The following CACNA1B variants were observed in gnomAD, a reference collection of about 807,000 sequenced individuals.
The protein encoded by CACNA1B is calcium voltage-gated channel subunit alpha1 B.
In CACNA1B, 70 loss-of-function variants were observed where a neutral mutation model predicts 247.2. The observed-to-expected ratio is 0.28, with a 90% CI of 0.23 to 0.35. CACNA1B has a LOEUF of 0.35. Ranked by LOEUF, CACNA1B falls within the 10% of genes least tolerant of loss-of-function variation. The pLI, the probability that CACNA1B is intolerant of heterozygous loss-of-function variation, is 1.00. For missense variants in CACNA1B, 2,367 were observed against 3,197.4 expected, an observed-to-expected ratio of 0.74 and a Z score of 6.26; for synonymous variants, 1,231 against 1,294.4, an observed-to-expected ratio of 0.95 and a Z score of 1.05.
At chr9:138,056,880 A>T (rs1265165597) in intron 26 of CACNA1B, among the ~76,000 whole-genome samples, 1 of 138,286 alleles carries the variant, frequency 7.2e-6, no homozygotes, top group African/African-American at 2.8e-5. Flanking sequence ...AGCCATTTGT[A>T]TATCTTCTTT....
intron 31 of CACNA1B, chr9:138,068,734 T>G: frequency 2.2e-6 from 1 of 456,716 alleles, no homozygotes; most frequent in Non-Finnish European, 4.4e-6. Flanking sequence ...GGGCGGGAAC[T>G]GCTGACTGCT....
chr9:138,029,891 A>C (rs1184165701), intron 20 of CACNA1B, among the ~76,000 whole-genome samples: 1 of 152,148 alleles, frequency 6.6e-6, no homozygotes, highest in Middle Eastern at 3.2e-3. Context: ...TTGGGATTGC[A>C]GGTGTGAGCC....
intron 21 of CACNA1B, among the ~76,000 whole-genome samples, chr9:138,046,659 T>C (rs1040027756): frequency 2.0e-5 from 3 of 152,268 alleles, no homozygotes; most frequent in African/African-American, 7.2e-5. Flanking sequence ...TGTTGACCCC[T>C]GCCATGAGGT....
rs140908919 is a variant in CACNA1B at position 138,078,039 on chromosome 9, A to T, written c.4950-75A>T. ...TGGGAAGGAGCCCAAAGGAGTGGGC[A>T]CGCTTGGTAGCCCCACAGGGCTCGG... On this transcript the variant is annotated intron_variant, in intron 35 of 46. Transcript: ENST00000371372. 802 of 1,398,842 alleles carry T rather than the reference A, an allele frequency of 5.7e-4. 15 individuals carry two copies. In the East Asian group the frequency reaches 0.019, roughly 33 times the overall value. 86.7% of individuals were successfully genotyped at this position (1,398,842 alleles called of 1,614,324 possible). A position where few individuals can be genotyped will look rare whatever the true frequency, so the allele number is the denominator to read the frequency against.
intron 21 of CACNA1B, among the ~76,000 whole-genome samples, chr9:138,045,405 A>G (rs1241913808): frequency 6.6e-6 from 1 of 152,202 alleles, no homozygotes; most frequent in Admixed American, 6.5e-5. Context: ...TGGTTTGACC[A>G]GGGTACTCAT....
At chr9:137,896,886 A>C (rs538013063) in intron 3 of CACNA1B, among the ~76,000 whole-genome samples, 19 of 152,300 alleles carry the variant, frequency 1.2e-4, no homozygotes, top group African/African-American at 4.3e-4. Flanking sequence ...CATTTAGTCC[A>C]ACTCGTTGAA....
intron 12 of CACNA1B, among the ~76,000 whole-genome samples, chr9:137,976,639 C>G (rs1958225846): frequency 6.7e-6 from 1 of 149,168 alleles, no homozygotes. Flanking sequence ...AGTGTGTTTC[C>G]CAGCTTACCA....
At chr9:138,110,665 G>A (rs1764085418) in intron 39 of CACNA1B, among the ~76,000 whole-genome samples, 1 of 152,146 alleles carries the variant, frequency 6.6e-6, no homozygotes, top group Non-Finnish European at 1.5e-5. Context: ...CCAGGTGTTC[G>A]AGGTTCCAGT....
In CACNA1B at chr9:138,057,996, T is replaced by C. The variant is rs1959576391; in HGVS notation, c.4107-53T>C. On this transcript the variant is annotated intron_variant, in intron 27 of 46. Transcript: ENST00000371372. The surrounding 1 kb of genome is among the most constrained non-coding windows in gnomAD (Gnocchi z 4.0). ...CCTTGTGGTGCAGGTCTTGAGTTCT[T>C]AGGGCTGTCTCCTTTGGGGGTTCCC... 3.2e-6 allele frequency: 5 copies of C among 1,575,414 alleles called. No homozygotes were observed. In the African/African-American group the frequency reaches 4.0e-5, roughly 13 times the overall value.
At chr9:138,030,834 A>G (rs867639079) in intron 20 of CACNA1B, among the ~76,000 whole-genome samples, 16 of 152,256 alleles carry the variant, frequency 1.1e-4, no homozygotes, top group Middle Eastern at 6.8e-3. Flanking sequence ...AAGTGTATAC[A>G]GTTGTTTGTG....
chr9:138,025,206 C>T, intron 20 of CACNA1B, 34 bp downstream of exon 20: 1 of 1,459,030 alleles, frequency 6.9e-7, no homozygotes. Context: ...GGGCAGGGCC[C>T]ATCTTGTGCA....
chr9:138,051,768 C>T lies in CACNA1B; in HGVS notation c.3711-324C>T, dbSNP rs912641387. 1.3e-5 allele frequency among the ~76,000 whole-genome samples: 2 copies of T among 152,132 alleles called. No homozygotes were observed. The highest frequency in any genetic ancestry group is 2.1e-4 in the South Asian group (1 of 4,830). On this transcript the variant is annotated intron_variant, in intron 24 of 46. Coordinates refer to ENST00000371372, the MANE Select transcript of CACNA1B (RefSeq NM_000718.4). The surrounding 1 kb of genome is among the most constrained non-coding windows in gnomAD (Gnocchi z 4.3). ...CTCCCACTTCTGGGTCTGCAGTCCT[C>T]GTGCGGGTCTCTTCTGTCCTCTTAA...
intron 3 of CACNA1B, among the ~76,000 whole-genome samples, chr9:137,908,384 C>T (rs925407958): frequency 4.0e-5 from 6 of 151,856 alleles, no homozygotes; most frequent in Middle Eastern, 3.4e-3. Flanking sequence ...GGTATGGTGG[C>T]GAGTGCCTGT....
chr9:137,973,592 C>G lies in CACNA1B; in HGVS notation c.1543+2000C>G, dbSNP rs890060656. On this transcript the variant is annotated intron_variant, in intron 11 of 46. Transcript: ENST00000371372. The surrounding 1 kb of genome is among the most constrained non-coding windows in gnomAD (Gnocchi z 4.1). ...CCCTCCCTCTGCTCCCATAGCACAC[C>G]ATCCTCTTGGAAGACAAAACCTGGT... 1.3e-5 allele frequency among the ~76,000 whole-genome samples: 2 copies of G among 152,190 alleles called. No individual in the cohort carries two copies. Among genetic ancestry groups the G allele is most frequent in the Non-Finnish European group, 1.5e-5 (1 of 68,036 alleles).
intron 3 of CACNA1B, among the ~76,000 whole-genome samples, chr9:137,904,352 CTTTTTTTTTTT>C (rs11351694): frequency 8.7e-5 from 7 of 80,394 alleles, no homozygotes; most frequent in African/African-American, 3.1e-4. Flanking sequence ...CTCTCTCTCT[CTTTTTTTTTTT>C]TTTTTTTTTT....
intron 3 of CACNA1B, among the ~76,000 whole-genome samples, chr9:137,884,905 C>T (rs1956983625): frequency 7.4e-6 from 1 of 135,734 alleles, no homozygotes; most frequent in Non-Finnish European, 1.6e-5. Context: ...CCTCTTCCCG[C>T]CTCCCTCTTC....
chr9:138,093,561 T>G (rs932247142), intron 36 of CACNA1B, among the ~76,000 whole-genome samples: 1 of 151,622 alleles, frequency 6.6e-6, no homozygotes, highest in African/African-American at 2.4e-5. Context: ...GCCAACATGG[T>G]GAAATTCTGG....
intron 12 of CACNA1B, among the ~76,000 whole-genome samples, chr9:137,979,070 A>G (rs1958263166): frequency 1.3e-5 from 2 of 152,238 alleles, no homozygotes; most frequent in South Asian, 2.1e-4. Flanking sequence ...ATGTCTTCCA[A>G]TCTTCTGATC....
chr9:138,121,576 C>A lies in CACNA1B; in HGVS notation c.6597C>A (p.Pro2199=). 1 of 1,611,696 alleles carries A rather than the reference C, an allele frequency of 6.2e-7. No individual in the cohort carries two copies. Among genetic ancestry groups the A allele is most frequent in the Middle Eastern group, 1.7e-4 (1 of 6,050 alleles). ...CCCAGACGCCCCTGACTCCCCGCCC[C>A]AGCATCACCTACAAGACGGCCAACT... ...QLPQTPLTPR[P]SITYKTANSS... Residue 2199 remains proline, a synonymous_variant, in exon 47 of 47, where the codon CCC becomes CCA. Transcript: ENST00000371372. The surrounding 1 kb of genome is among the most constrained non-coding windows in gnomAD (Gnocchi z 6.8).
Sources: gnomAD v4.1 joint callset for allele counts (sites outside exome capture counted in the v4.1 genomes callset) on GRCh38, gnomAD v4.1.1 for gene constraint, Gnocchi (gnomAD v3.1) non-coding constraint, MANE v1.5 for transcripts, NCBI Gene and HGNC (gene_info 2026-07-23, HGNC 2026-07-21) for gene names.